RPS15A: variants seen among roughly 807,000 people sequenced by gnomAD.
The protein encoded by RPS15A is ribosomal protein S15a.
For synonymous variants in RPS15A, 55 were observed against 58.5 expected (o/e 0.94, Z 0.27); for missense variants, 62 against 163.4 (o/e 0.38, Z 3.38).
chr16:18,782,818 G>A lies in RPS15A; in HGVS notation c.*191C>T. 2 of 522,910 alleles carry A rather than the reference G, an allele frequency of 3.8e-6. No individual in the cohort carries two copies. Among genetic ancestry groups the A allele is most frequent in the Non-Finnish European group, 3.4e-6 (1 of 296,124 alleles). 32.4% of individuals were successfully genotyped at this position (522,910 alleles called of 1,614,324 possible). On this transcript the variant is annotated 3_prime_UTR_variant, in exon 5 of 5. Transcript: ENST00000322989. Reference sequence around the variant, plus strand: ...GACAGCAGGGGTGACTGTTTCTTAGGCATACTGGTTTCATAAGAACTTTTT... The same window carrying A: ...GACAGCAGGGGTGACTGTTTCTTAGACATACTGGTTTCATAAGAACTTTTT...
At chr16:18,788,832 G>A in intron 2 of RPS15A, 149 bp downstream of exon 2, 1 of 780,992 alleles carries the variant, frequency 1.3e-6, no homozygotes, top group Admixed American at 2.9e-5. Context: ...AGCAGTTTCA[G>A]ACTATCCCCT....
intron 4 of RPS15A, 25 bp from the exon 5 acceptor site, chr16:18,783,127 TGGTAAG>T: frequency 6.6e-7 from 1 of 1,507,204 alleles, no homozygotes; most frequent in Non-Finnish European, 9.2e-7. Flanking sequence ...AAGAAAGTGC[TGGTAAG>T]TTTAATAGTT....
At chr16:18,788,954 CAT>C in intron 2 of RPS15A, 25 bp downstream of exon 2, 1 of 1,601,444 alleles carries the variant, frequency 6.2e-7, no homozygotes, top group Non-Finnish European at 8.5e-7. Flanking sequence ...CACATGAAAA[CAT>C]AAAACACAGC....
chr16:18,784,901 C>T (rs1596935120), intron 3 of RPS15A, 78 bp from the exon 4 acceptor site: 1 of 1,166,188 alleles, frequency 8.6e-7, no homozygotes, highest in Admixed American at 2.1e-5. Context: ...AGATGACATT[C>T]ATAAATAAAC....
intron 4 of RPS15A, chr16:18,783,582 C>A: frequency 2.2e-6 from 1 of 446,040 alleles, no homozygotes; most frequent in South Asian, 1.6e-5. Flanking sequence ...TGCAAATGTG[C>A]GGCATTAAAA....
At chr16:18,783,672 T>C (rs563404610) in intron 4 of RPS15A, 14 of 456,070 alleles carry the variant, frequency 3.1e-5, no homozygotes, top group South Asian at 2.2e-4. Context: ...GTGAGAATAC[T>C]TTCAACCAAG....
chr16:18,784,472 C>T, intron 4 of RPS15A: 1 of 358,372 alleles, frequency 2.8e-6, no homozygotes, highest in Non-Finnish European at 5.0e-6. Context: ...TCTCGAACTC[C>T]CAACCTCAGG....
At position 18,784,781 on chromosome 16, in the gene RPS15A, G is replaced by C; in HGVS notation, c.256C>G (p.Leu86Val). 6.2e-7 allele frequency: 1 copy of C among 1,612,216 alleles called. No individual in the cohort carries two copies. The highest frequency in any genetic ancestry group is 8.5e-7 in the Non-Finnish European group (1 of 1,179,374). ...SPRFDVQLKD[L>V]EKWQNNLLPS... ...AGCAGATTATTCTGCCATTTTTCCA[G>C]GTCTTTGAGTTGCACGTCAAATCTG... Residue 86 changes from leucine (L) to valine (V), a missense_variant, in exon 4 of 5, where the codon CTG (leucine) becomes GTG (valine). Leu to Val is a conservative substitution (Grantham distance 32). Transcript: ENST00000322989.
chr16:18,786,978 C>A (rs2029897844), intron 3 of RPS15A, among the ~76,000 whole-genome samples: 1 of 152,170 alleles, frequency 6.6e-6, no homozygotes, highest in South Asian at 2.1e-4. Flanking sequence ...AATTCTCCTG[C>A]CTCAGTCTCC....
In RPS15A at chr16:18,789,009, G is replaced by A. The variant is rs766090010; in HGVS notation, c.105C>T (p.Val35=). ...VLIRPCSKVI[V]RFLTVMMKHG... ...GCTTCATCATCACAGTGAGAAACCG[G>A]ACGATGACTTTGGAGCACGGCCTAA... The change falls in exon 2 of 5, where the codon GTC becomes GTT. Residue 35 remains valine (V), a synonymous_variant. Coordinates refer to ENST00000322989, the MANE Select transcript of RPS15A (RefSeq NM_001019.5). The A allele has an allele frequency of 6.2e-7, 1 of 1,613,832 alleles. No homozygotes were observed. Among genetic ancestry groups the A allele is most frequent in the East Asian group, 2.2e-5 (1 of 44,896 alleles).
Position 18,783,006 on chromosome 16 carries a change from T to A in RPS15A, c.*3A>T, listed in dbSNP as rs201061644. The A allele has an allele frequency of 3.4e-5, 52 of 1,509,490 alleles. No individual in the cohort carries two copies. The highest frequency in any genetic ancestry group is 4.5e-5 in the Non-Finnish European group (49 of 1,096,898). 93.5% of individuals were successfully genotyped at this position (1,509,490 alleles called of 1,614,324 possible). A position where few individuals can be genotyped will look rare whatever the true frequency, so the allele number is the denominator to read the frequency against. ...TTTATTTGTAAATATATGTATTACA[T>A]CCCTAGAAAAAGAATCCCAGGATTT... is the stretch of plus-strand genomic sequence containing the variant. On this transcript the variant is annotated 3_prime_UTR_variant, in exon 5 of 5. Transcript: ENST00000322989.
chr16:18,785,080 G>C, intron 3 of RPS15A: 1 of 377,230 alleles, frequency 2.7e-6, no homozygotes, highest in Non-Finnish European at 4.7e-6. Context: ...TCAGGCCACT[G>C]GCGTGCTCCC....
At chr16:18,785,483 A>C (rs985002305) in intron 3 of RPS15A, 1 of 152,196 alleles carries the variant, frequency 6.6e-6, no homozygotes, top group Non-Finnish European at 1.5e-5. Flanking sequence ...GCCATCACTC[A>C]ACTACATGCC....
At chr16:18,789,295 G>A (rs1376604367) in intron 1 of RPS15A, among the ~76,000 whole-genome samples, 177 bp from the exon 2 acceptor site, 1 of 152,194 alleles carries the variant, frequency 6.6e-6, no homozygotes, top group African/African-American at 2.4e-5. Context: ...ATTTACTACG[G>A]TTGTTGAAAA....
intron 1 of RPS15A, 61 bp from the exon 2 acceptor site, chr16:18,789,179 C>A (rs2029969065): frequency 6.7e-7 from 1 of 1,499,614 alleles, no homozygotes; most frequent in African/African-American, 1.4e-5. Flanking sequence ...CAGACACCAA[C>A]CATTACACTG....
chr16:18,787,992 G>T, intron 3 of RPS15A, 71 bp downstream of exon 3: 1 of 925,178 alleles, frequency 1.1e-6, no homozygotes, highest in Non-Finnish European at 1.8e-6. Flanking sequence ...ATTTCCAAAG[G>T]CAATTACAAC....
intron 3 of RPS15A, chr16:18,786,914 G>C (rs530282120): frequency 8.5e-5 from 13 of 152,254 alleles, no homozygotes; most frequent in Admixed American, 2.0e-4. Context: ...ACCCAGGCTG[G>C]AGTGCAGTGG....
intron 3 of RPS15A, chr16:18,786,852 A>G (rs1303584211): frequency 1.3e-5 from 2 of 152,224 alleles, no homozygotes; most frequent in Non-Finnish European, 2.9e-5. Context: ...AACATGACAT[A>G]CTGAAAATTA....
At chr16:18,789,192 G>A (rs754822788) in intron 1 of RPS15A, 74 bp from the exon 2 acceptor site, 15 of 1,431,038 alleles carry the variant, frequency 1.0e-5, no homozygotes, top group Non-Finnish European at 1.3e-5. Context: ...TTACACTGCG[G>A]AAGTATCCTT....
Sources: gnomAD v4.1 joint callset for allele counts (sites outside exome capture counted in the v4.1 genomes callset) on GRCh38, gnomAD v4.1.1 for gene constraint, MANE v1.5 for transcripts, NCBI Gene and HGNC (gene_info 2026-07-23, HGNC 2026-07-21) for gene names.